ST8SIA4: variants seen among roughly 807,000 people sequenced by gnomAD.
ST8SIA4 encodes CMP-N-acetylneuraminate-poly-alpha-2,8-sialyltransferase.
In ST8SIA4, 15 loss-of-function variants were observed where a neutral mutation model predicts 33.9. The ratio of observed to expected loss-of-function variants is 0.44; its 90% CI spans 0.30 to 0.68. The LOEUF is 0.68. Ranked by LOEUF, ST8SIA4 falls within the 30% of genes least tolerant of loss-of-function variation. ST8SIA4 has a pLI of 0.10. For missense variants in ST8SIA4, 321 were observed against 428.0 expected (o/e 0.75, Z 2.21); for synonymous variants, 171 against 151.2 (o/e 1.13, Z -0.96).
intron 3 of ST8SIA4, among the ~76,000 whole-genome samples, chr5:100,862,382 T>A (rs1436694389): frequency 6.6e-6 from 1 of 152,120 alleles, no homozygotes; most frequent in Non-Finnish European, 1.5e-5. Flanking sequence ...CTTAAATTTT[T>A]AAAATATTTA....
chr5:100,860,877 T>C (rs936083396), intron 3 of ST8SIA4, among the ~76,000 whole-genome samples: 4 of 152,198 alleles, frequency 2.6e-5, no homozygotes, highest in African/African-American at 9.6e-5. Flanking sequence ...GACTCAGGTA[T>C]GTTATTCAAG....
At chr5:100,901,145 C>T (rs1170868837) in intron 1 of ST8SIA4, among the ~76,000 whole-genome samples, 1 of 152,226 alleles carries the variant, frequency 6.6e-6, no homozygotes, top group African/African-American at 2.4e-5. Context: ...CCCGGCTCCG[C>T]TTCCCCGCAG....
chr5:100,881,473 C>T (rs1190830106), intron 3 of ST8SIA4, among the ~76,000 whole-genome samples: 1 of 152,064 alleles, frequency 6.6e-6, no homozygotes, highest in Non-Finnish European at 1.5e-5. Flanking sequence ...ATTTTTTTCA[C>T]ACTACTTAAT....
chr5:100,832,085 C>T lies in ST8SIA4; in HGVS notation c.798-19956G>A, dbSNP rs144123617. ...ATTTTAATCTTTCTCTACATAGATA[C>T]TAAATATCAATAACAAACACTCCAT... On this transcript the variant is annotated intron_variant, in intron 4 of 4. Coordinates refer to ENST00000231461, the MANE Select transcript of ST8SIA4 (RefSeq NM_005668.6). Among the ~76,000 whole-genome samples the T allele has an allele frequency of 2.0e-3, 309 of 152,184 alleles. 1 individual carries two copies. Among genetic ancestry groups the T allele is most frequent in the African/African-American group, 7.1e-3 (294 of 41,542 alleles).
rs1000263701 is a variant in ST8SIA4 at position 100,807,260 on chromosome 5, G to T, written c.*4587C>A. On this transcript the variant is annotated 3_prime_UTR_variant, in exon 5 of 5. Coordinates refer to ENST00000231461, the MANE Select transcript of ST8SIA4 (RefSeq NM_005668.6). ...TACAAATGATAAAACAATAATACCC[G>T]GTTGCTATACACAAACAATAAGAAA... 1 of 152,396 alleles carries T rather than the reference G, an allele frequency of 6.6e-6. No homozygotes were observed. Among genetic ancestry groups the T allele is most frequent in the Admixed American group, 6.6e-5 (1 of 15,260 alleles). 9.4% of individuals were successfully genotyped at this position (152,396 alleles called of 1,614,324 possible). A position where few individuals can be genotyped will look rare whatever the true frequency, so the allele number is the denominator to read the frequency against.
At chr5:100,835,675 C>T (rs1369544400) in intron 4 of ST8SIA4, among the ~76,000 whole-genome samples, 2 of 152,036 alleles carry the variant, frequency 1.3e-5, no homozygotes, top group Admixed American at 6.6e-5. Flanking sequence ...ATTATTGTTT[C>T]GGAAGTAACA....
At chr5:100,847,436 C>T (rs538163091) in intron 4 of ST8SIA4, among the ~76,000 whole-genome samples, 3 of 152,146 alleles carry the variant, frequency 2.0e-5, no homozygotes, top group Non-Finnish European at 2.9e-5. Context: ...TCTGCAAACC[C>T]ATGACATTCA....
chr5:100,838,833 C>A (rs1051037142), intron 4 of ST8SIA4, among the ~76,000 whole-genome samples: 1 of 151,870 alleles, frequency 6.6e-6, no homozygotes, highest in African/African-American at 2.4e-5. Context: ...AATAGACTAG[C>A]AAATATGTAC....
At chr5:100,900,533 A>G (rs1164776050) in intron 1 of ST8SIA4, 2 of 455,682 alleles carry the variant, frequency 4.4e-6, no homozygotes, top group African/African-American at 2.0e-5. Context: ...CATCCTGGAG[A>G]AAAAGGAAAG....
intron 3 of ST8SIA4, among the ~76,000 whole-genome samples, chr5:100,884,407 AAGAG>A: frequency 6.6e-6 from 1 of 152,304 alleles, no homozygotes. Flanking sequence ...ATTTTAGAAT[AAGAG>A]AGGTGGACAG....
At chr5:100,814,380 G>A (rs1455435814) in intron 4 of ST8SIA4, among the ~76,000 whole-genome samples, 1 of 151,898 alleles carries the variant, frequency 6.6e-6, no homozygotes, top group Admixed American at 6.6e-5. Context: ...AATTAATTTA[G>A]CTTTAGAAAT....
At chr5:100,899,735 G>C (rs1468629221) in intron 1 of ST8SIA4, among the ~76,000 whole-genome samples, 3 of 152,140 alleles carry the variant, frequency 2.0e-5, no homozygotes, top group Non-Finnish European at 2.9e-5. Flanking sequence ...TATTTTACTT[G>C]TGGGAGCCTT....
chr5:100,845,496 T>C (rs1171687703), intron 4 of ST8SIA4, among the ~76,000 whole-genome samples: 1 of 151,898 alleles, frequency 6.6e-6, no homozygotes, highest in Non-Finnish European at 1.5e-5. Flanking sequence ...TAACTCAGTA[T>C]ATATTTTGCA....
chr5:100,808,843 G>T lies in ST8SIA4; in HGVS notation c.*3004C>A, dbSNP rs1009649070. On this transcript the variant is annotated 3_prime_UTR_variant, in exon 5 of 5. Coordinates refer to ENST00000231461, the MANE Select transcript of ST8SIA4 (RefSeq NM_005668.6). ...GATGGAAAGGTATACAACAAGGAAT[G>T]AAATGGGCTTGTACAGTTTGTCTTC... 51 of 152,642 alleles carry T rather than the reference G, an allele frequency of 3.3e-4. No individual in the cohort carries two copies. The highest frequency in any genetic ancestry group is 1.2e-3 in the African/African-American group (50 of 41,448). 9.5% of individuals were successfully genotyped at this position (152,642 alleles called of 1,614,324 possible). A position where few individuals can be genotyped will look rare whatever the true frequency, so the allele number is the denominator to read the frequency against.
chr5:100,810,646 A>G lies in ST8SIA4; in HGVS notation c.*1201T>C, dbSNP rs534943718. On this transcript the variant is annotated 3_prime_UTR_variant, in exon 5 of 5. Coordinates refer to ENST00000231461, the MANE Select transcript of ST8SIA4 (RefSeq NM_005668.6). ...ACTTTCACATTAATAGCAAAATAAT[A>G]TATTCATGTTAATAATATATTATTT... 3 of 152,752 alleles carry G rather than the reference A, an allele frequency of 2.0e-5. No individual in the cohort carries two copies. The East Asian group carries it at 5.8e-4, about 29-fold the overall frequency. 9.5% of individuals were successfully genotyped at this position (152,752 alleles called of 1,614,324 possible). A position where few individuals can be genotyped will look rare whatever the true frequency, so the allele number is the denominator to read the frequency against.
intron 3 of ST8SIA4, among the ~76,000 whole-genome samples, chr5:100,864,357 G>A (rs1457328864): frequency 6.6e-6 from 1 of 151,826 alleles, no homozygotes; most frequent in Non-Finnish European, 1.5e-5. Flanking sequence ...GCTGGATCAC[G>A]AGGTCAGGAG....
chr5:100,839,787 G>A (rs1046859913), intron 4 of ST8SIA4, among the ~76,000 whole-genome samples: 1 of 151,770 alleles, frequency 6.6e-6, no homozygotes, highest in Non-Finnish European at 1.5e-5. Context: ...CTATTATAAA[G>A]ATACACTGTT....
At chr5:100,859,851 T>C (rs1580466981) in intron 3 of ST8SIA4, among the ~76,000 whole-genome samples, 2 of 152,258 alleles carry the variant, frequency 1.3e-5, no homozygotes, top group Admixed American at 6.5e-5. Flanking sequence ...TTCAACAATG[T>C]ATGCAACTAG....
intron 4 of ST8SIA4, among the ~76,000 whole-genome samples, chr5:100,818,275 G>C (rs1268863756): frequency 6.6e-6 from 1 of 152,098 alleles, no homozygotes; most frequent in East Asian, 1.9e-4. Flanking sequence ...GTTAATAGGT[G>C]GAAAAAATAA....
Sources: gnomAD v4.1 joint callset for allele counts (sites outside exome capture counted in the v4.1 genomes callset) on GRCh38, gnomAD v4.1.1 for gene constraint, MANE v1.5 for transcripts, NCBI Gene and HGNC (gene_info 2026-07-23, HGNC 2026-07-21) for gene names.